Variants in TEKT5 observed in about 807,000 individuals in gnomAD.
TEKT5 encodes the protein tektin 5.
TEKT5 carries 52 observed loss-of-function variants against 48.7 expected under a neutral mutation model. The ratio of observed to expected loss-of-function variants is 1.07; its 90% CI spans 0.86 to 1.35. TEKT5 has a LOEUF of 1.35. Among genes scored for constraint, TEKT5 ranks in the 40% most tolerant of loss-of-function variants. The pLI, the probability that TEKT5 is intolerant of heterozygous loss-of-function variation, is 0.00. For synonymous variants in TEKT5, 318 were observed against 267.6 expected (o/e 1.19, Z -1.84); for missense variants, 831 against 641.6 (o/e 1.30, Z -3.19).
intron 1 of TEKT5, chr16:10,690,252 G>A: frequency 1.8e-6 from 1 of 542,010 alleles, no homozygotes; most frequent in South Asian, 2.8e-5. Context: ...CAAGGCCCAT[G>A]TAGAGAAAAC....
At chr16:10,629,521 G>C (rs1897805985) in intron 6 of TEKT5, among the ~76,000 whole-genome samples, 1 of 152,156 alleles carries the variant, frequency 6.6e-6, no homozygotes, top group African/African-American at 2.4e-5. Context: ...AAAGTGCTGG[G>C]ATTACAGGCA....
chr16:10,680,288 T>A (rs184706634), intron 4 of TEKT5, among the ~76,000 whole-genome samples: 21 of 152,368 alleles, frequency 1.4e-4, no homozygotes, highest in African/African-American at 5.0e-4. Context: ...ATCCAGAAAG[T>A]GACCCCAGGC....
intron 6 of TEKT5, among the ~76,000 whole-genome samples, chr16:10,628,141 C>T (rs1897782587): frequency 6.6e-6 from 1 of 152,246 alleles, no homozygotes; most frequent in Non-Finnish European, 1.5e-5. Flanking sequence ...CTATGGTGCC[C>T]GACCTAGCAC....
chr16:10,681,837 C>G (rs1309964845), intron 4 of TEKT5, among the ~76,000 whole-genome samples, 156 bp downstream of exon 4: 19 of 152,130 alleles, frequency 1.2e-4, no homozygotes, highest in Non-Finnish European at 1.5e-4. Flanking sequence ...GCTAACCCGA[C>G]TTGGATTCTG....
chr16:10,667,014 C>T (rs1390710200), intron 5 of TEKT5, among the ~76,000 whole-genome samples: 1 of 139,984 alleles, frequency 7.1e-6, no homozygotes, highest in African/African-American at 2.7e-5. Flanking sequence ...GACAGGGTCT[C>T]ACTCTGTTGC....
chr16:10,631,112 G>A (rs756999872), intron 6 of TEKT5, among the ~76,000 whole-genome samples: 52 of 150,850 alleles, frequency 3.4e-4, no homozygotes, highest in African/African-American at 5.4e-4. Context: ...AAAAATTAGC[G>A]AAGTGTGGTG....
intron 5 of TEKT5, among the ~76,000 whole-genome samples, chr16:10,664,360 A>T (rs2541516): frequency 6.6e-6 from 1 of 151,656 alleles, no homozygotes; most frequent in Non-Finnish European, 1.5e-5. Flanking sequence ...TAAAACTCAG[A>T]TCGCTAGACC....
rs747751146 is a variant in TEKT5 at position 10,689,296 on chromosome 16, C to T, written c.676G>A (p.Glu226Lys). The change falls in exon 3 of 7, where the codon GAA (glutamate) becomes AAA (lysine). Residue 226 changes from glutamate to lysine, a missense_variant. By Grantham distance (56) the Glu-to-Lys change is moderately conservative (BLOSUM62 1). Transcript: ENST00000283025. ...CTTTGAGCTAATTTTCTCATCTGTT[C>T]TTGGCAACATTTTAGCAAATCCACT... is the stretch of plus-strand genomic sequence containing the variant. ...REVDLLKCCQ[E>K]QMRKLAQRID... 2 of 1,613,278 alleles carry T rather than the reference C, an allele frequency of 1.2e-6. No individual in the cohort carries two copies. Among genetic ancestry groups the T allele is most frequent in the Non-Finnish European group, 1.7e-6 (2 of 1,179,782 alleles).
chr16:10,648,732 T>C (rs1898108984), intron 5 of TEKT5, among the ~76,000 whole-genome samples: 1 of 152,194 alleles, frequency 6.6e-6, no homozygotes, highest in South Asian at 2.1e-4. Context: ...CCCCACGTGG[T>C]GCCAGCCTAT....
intron 6 of TEKT5, among the ~76,000 whole-genome samples, chr16:10,632,111 G>C (rs1052688204): frequency 3.9e-5 from 6 of 152,168 alleles, no homozygotes; most frequent in Non-Finnish European, 7.3e-5. Context: ...GCAAAGAGAA[G>C]TGACAGAAGC....
At chr16:10,689,829 C>A (rs113163975) in intron 2 of TEKT5, 113 bp downstream of exon 2, 9 of 1,029,246 alleles carry the variant, frequency 8.7e-6, no homozygotes, top group Middle Eastern at 2.9e-4. Context: ...CCCTCACTTT[C>A]CACACAGTGA....
At chr16:10,637,958 A>G (rs546264399) in intron 5 of TEKT5, among the ~76,000 whole-genome samples, 50 of 152,218 alleles carry the variant, frequency 3.3e-4, no homozygotes, top group African/African-American at 1.2e-3. Flanking sequence ...TTACAGTCAC[A>G]CACCACCACA....
chr16:10,671,330 G>C (rs1006012188), intron 5 of TEKT5, among the ~76,000 whole-genome samples: 2 of 152,142 alleles, frequency 1.3e-5, no homozygotes, highest in African/African-American at 4.8e-5. Context: ...TTGATCCACC[G>C]TATGAGATGC....
At chr16:10,640,042 TCTCTTC>T (rs1311757266) in intron 5 of TEKT5, among the ~76,000 whole-genome samples, 5 of 143,428 alleles carry the variant, frequency 3.5e-5, no homozygotes, top group African/African-American at 1.3e-4. Flanking sequence ...TCTCCTTCTT[TCTCTTC>T]CTCCTCCTCC....
At chr16:10,643,854 A>G (rs2541539) in intron 5 of TEKT5, among the ~76,000 whole-genome samples, 54,006 of 151,886 alleles carry the variant, frequency 0.36, 11,121 homozygotes, top group African/African-American at 0.55. Flanking sequence ...CCTGGGCCAC[A>G]TAGTGAGACC....
intron 5 of TEKT5, among the ~76,000 whole-genome samples, chr16:10,672,514 T>G (rs1898565678): frequency 6.6e-6 from 1 of 152,130 alleles, no homozygotes; most frequent in South Asian, 2.1e-4. Flanking sequence ...GAGAATCACT[T>G]GAACCAGGGA....
intron 5 of TEKT5, among the ~76,000 whole-genome samples, chr16:10,672,384 A>C (rs919420575): frequency 2.0e-5 from 3 of 151,982 alleles, no homozygotes; most frequent in African/African-American, 7.2e-5. Context: ...TTGGGCCCGG[A>C]AGTTCAAGAC....
chr16:10,672,013 G>C (rs188517837), intron 5 of TEKT5, among the ~76,000 whole-genome samples: 4 of 152,288 alleles, frequency 2.6e-5, no homozygotes, highest in Admixed American at 2.6e-4. Flanking sequence ...GGGGGAGATG[G>C]AAAAGGGGAG....
chr16:10,646,062 C>G (rs933135426), intron 5 of TEKT5, among the ~76,000 whole-genome samples: 7 of 151,426 alleles, frequency 4.6e-5, no homozygotes, highest in African/African-American at 1.7e-4. Context: ...CCCAGAAGGT[C>G]GAGGTCGCAC....
Sources: gnomAD v4.1 joint callset for allele counts (sites outside exome capture counted in the v4.1 genomes callset) on GRCh38, gnomAD v4.1.1 for gene constraint, MANE v1.5 for transcripts, NCBI Gene and HGNC (gene_info 2026-07-23, HGNC 2026-07-21) for gene names.